CASKIN1: variants seen among roughly 807,000 people sequenced by gnomAD.
The protein encoded by CASKIN1 is CASK interacting protein 1.
In CASKIN1, 42 loss-of-function variants were observed where a neutral mutation model predicts 117.5. The observed-to-expected ratio is 0.36, with a 90% CI of 0.28 to 0.46. The LOEUF is 0.46. Ranked by LOEUF, CASKIN1 falls within the 20% of genes least tolerant of loss-of-function variation. The pLI is 1.00. For missense variants in CASKIN1, 2,083 were observed against 2,077.3 expected (o/e 1.00, Z -0.05); for synonymous variants, 1,148 against 961.7 (o/e 1.19, Z -3.59).
Position 2,180,549 on chromosome 16 carries a change from G to A in CASKIN1, c.2819C>T (p.Pro940Leu). The change falls in exon 18 of 20, where the codon CCC (proline) becomes CTC (leucine). Residue 940 changes from proline to leucine, a missense_variant. Transcript: ENST00000343516. ...VNRSQSFAVR[P>L]RKKGPPPPPP... is the part of the protein sequence containing the mutation. ...GGGCGGCGGGGGCCCCTTCTTTCGG[G>A]GCCGCACGGCAAAGGACTGGCTGCG... 1 of 1,547,376 alleles carries A rather than the reference G, an allele frequency of 6.5e-7. No homozygotes were observed. Among genetic ancestry groups the A allele is most frequent in the Non-Finnish European group, 8.7e-7 (1 of 1,152,988 alleles).
Position 2,182,058 on chromosome 16 carries a change from C to T in CASKIN1, c.1630-129G>A. ...ACAGACAGGAGGACAAACGGATAGG[C>T]CGAGGTATTGGCACCAGAAATGTAG... On this transcript the variant is annotated intron_variant, in intron 16 of 19. Coordinates refer to ENST00000343516, the MANE Select transcript of CASKIN1 (RefSeq NM_020764.4). This position sits in a 1 kb window ranked among gnomAD's most constrained non-coding sequence, Gnocchi z 4.1. 7.6e-7 allele frequency: 1 copy of T among 1,316,374 alleles called. No individual in the cohort carries two copies. Among genetic ancestry groups the T allele is most frequent in the Non-Finnish European group, 1.1e-6 (1 of 950,440 alleles). The allele number at this position is 1,316,374 out of a possible 1,614,324, so 81.5% of individuals were successfully genotyped here.
chr16:2,196,182 G>A lies in CASKIN1; in HGVS notation c.94+157C>T, dbSNP rs1448048370. ...CCCATCTCCAGTGCTGGGGGCAGCG[G>A]GTGGAGGGCACGGACCAAGGGTCTG... On this transcript the variant is annotated intron_variant, in intron 1 of 19. Transcript: ENST00000343516. This position sits in a 1 kb window ranked among gnomAD's most constrained non-coding sequence, Gnocchi z 5.7. Among the ~76,000 whole-genome samples the A allele has an allele frequency of 6.6e-6, 1 of 151,842 alleles. No homozygotes were observed. Among genetic ancestry groups the A allele is most frequent in the Non-Finnish European group, 1.5e-5 (1 of 67,906 alleles).
Position 2,196,404 on chromosome 16 carries a change from G to T in CASKIN1, c.29C>A (p.Ala10Glu). The T allele has an allele frequency of 7.3e-7, 1 of 1,363,770 alleles. No individual in the cohort carries two copies. The highest frequency in any genetic ancestry group is 3.8e-5 in the East Asian group (1 of 26,210). The allele number at this position is 1,363,770 out of a possible 1,614,324, so 84.5% of individuals were successfully genotyped here. A position where few individuals can be genotyped will look rare whatever the true frequency, so the allele number is the denominator to read the frequency against. Reference protein sequence around the residue: MGKEQELVQAVKAEDVGTAQ... With the variant: MGKEQELVQEVKAEDVGTAQ... ...GGTCCCTACGTCCTCCGCCTTCACC[G>T]CCTGCACCAGCTCCTGCTCCTTCCC... The change falls in exon 1 of 20, where the codon GCG (alanine) becomes GAG (glutamate). Residue 10 changes from alanine to glutamate, a missense_variant. Physicochemically the swap from Ala to Glu is moderately radical, Grantham distance 107. Coordinates refer to ENST00000343516, the MANE Select transcript of CASKIN1 (RefSeq NM_020764.4). This position sits in a 1 kb window ranked among gnomAD's most constrained non-coding sequence, Gnocchi z 5.7.
intron 6 of CASKIN1, 100 bp downstream of exon 6, chr16:2,188,927 C>T: frequency 6.7e-7 from 1 of 1,501,246 alleles, no homozygotes; most frequent in Admixed American, 2.1e-5. Flanking sequence ...CCTGCCTGCT[C>T]CCGCCCTATC....
chr16:2,193,155 T>G (rs891865896), intron 1 of CASKIN1, among the ~76,000 whole-genome samples: 5 of 152,138 alleles, frequency 3.3e-5, no homozygotes, highest in African/African-American at 1.2e-4. Flanking sequence ...GTAGCTGGGA[T>G]TACAGGCACG....
Position 2,180,061 on chromosome 16 carries a change from G to A in CASKIN1, c.3307C>T (p.Pro1103Ser). 1.3e-6 allele frequency: 2 copies of A among 1,584,180 alleles called. No homozygotes were observed. Among genetic ancestry groups the A allele is most frequent in the Non-Finnish European group, 1.7e-6 (2 of 1,165,906 alleles). Reference protein sequence around the residue: ...DGTGRQRPRGPSKGEAGVEGP... With the variant: ...DGTGRQRPRGSSKGEAGVEGP... ...TCGACACCCGCCTCGCCCTTGGAGG[G>A]ACCCCGAGGCCGCTGCCGGCCAGTG... Residue 1103 changes from proline (P) to serine (S), a missense_variant, in exon 18 of 20, where the codon CCC (proline) becomes TCC (serine). Pro to Ser is a moderately conservative substitution (Grantham distance 74, BLOSUM62 -1). Around this residue, in one of 3 missense-constraint regions of CASKIN1, gnomAD observed 1,818 missense variants for 1,688.9 expected, o/e 1.08. Coordinates refer to ENST00000343516, the MANE Select transcript of CASKIN1 (RefSeq NM_020764.4).
rs2093164337 is a variant in CASKIN1, at chr16:2,180,634, G to A, written c.2734C>T (p.Arg912Trp). Residue 912 changes from arginine (R) to tryptophan (W), a missense_variant, in exon 18 of 20, where the codon CGG (arginine) becomes TGG (tryptophan). Transcript: ENST00000343516. ...AAAGPYATVQ[R>W]RVGRSHSVRA... is the part of the protein sequence containing the mutation. The stretch of plus-strand genomic sequence containing the variant: ...ACTGAGTGGCTGCGGCCCACGCGCC[G>A]CTGGACCGTGGCATAGGGGCCGGCA... The A allele has an allele frequency of 5.2e-6, 8 of 1,548,826 alleles. No individual in the cohort carries two copies. Among genetic ancestry groups the A allele is most frequent in the Non-Finnish European group, 6.9e-6 (8 of 1,154,580 alleles).
Position 2,186,713 on chromosome 16 carries a change from G to A in CASKIN1, c.1042C>T (p.Arg348Ter). 3 of 1,612,512 alleles carry A rather than the reference G, an allele frequency of 1.9e-6. No homozygotes were observed. The highest frequency in any genetic ancestry group is 2.5e-6 in the Non-Finnish European group (3 of 1,179,664). The change falls in exon 10 of 20, where the codon CGA becomes TGA. Residue 348 changes from arginine (R) to a stop codon, truncating the protein, a stop_gained. Coordinates refer to ENST00000343516, the MANE Select transcript of CASKIN1 (RefSeq NM_020764.4). LOFTEE classifies it high-confidence loss of function. ...AGGGTGGGGTGGAACTTGCCTGCTC[G>A]CTTGACAATGGCCTCGCCCAGGGAG... ...PSSLGEAIVK[R>*]AGSRAGTEPS...
Position 2,180,506 on chromosome 16 carries a change from G to C in CASKIN1, c.2862C>G (p.Ser954Arg). Reference sequence around the variant, plus strand: ...CCAGGTTGGCACTAGCCAGGGCCGAGCTGGAGCGCTTGGGTGGGGGCGGCG... The same window carrying C: ...CCAGGTTGGCACTAGCCAGGGCCGACCTGGAGCGCTTGGGTGGGGGCGGCG... ...GPPPPPPKRS[S>R]SALASANLAD... Residue 954 changes from serine (S) to arginine (R), a missense_variant, in exon 18 of 20, where the codon AGC (serine) becomes AGG (arginine). Coordinates refer to ENST00000343516, the MANE Select transcript of CASKIN1 (RefSeq NM_020764.4). 1 of 1,550,658 alleles carries C rather than the reference G, an allele frequency of 6.4e-7. No homozygotes were observed. The highest frequency in any genetic ancestry group is 8.7e-7 in the Non-Finnish European group (1 of 1,154,238).
intron 1 of CASKIN1, among the ~76,000 whole-genome samples, chr16:2,192,218 G>GAGCCC (rs2093203238): frequency 6.6e-6 from 1 of 152,054 alleles, no homozygotes; most frequent in Non-Finnish European, 1.5e-5. Flanking sequence ...AGGATCGCTT[G>GAGCCC]AGCCCAGGAG....
Position 2,187,392 on chromosome 16 carries a change from C to G in CASKIN1, c.687G>C (p.Ala229=). The change falls in exon 7 of 20, where the codon GCG becomes GCC. Residue 229 remains alanine (A), a synonymous_variant. Coordinates refer to ENST00000343516, the MANE Select transcript of CASKIN1 (RefSeq NM_020764.4). ...TKSGTALHEA[A]LCGKTEVVRL... ...GCACCACCTCTGTCTTTCCGCAGAG[C>G]GCAGCCTCGTGCAGGGCCGTGCCGG... 1 of 1,612,162 alleles carries G rather than the reference C, an allele frequency of 6.2e-7. No homozygotes were observed. The highest frequency in any genetic ancestry group is 8.5e-7 in the Non-Finnish European group (1 of 1,179,854).
At chr16:2,193,002 C>T (rs979658072) in intron 1 of CASKIN1, among the ~76,000 whole-genome samples, 11 of 152,172 alleles carry the variant, frequency 7.2e-5, no homozygotes, top group Admixed American at 2.0e-4. Flanking sequence ...TCTCCTGTCG[C>T]CATCTCGAAA....
chr16:2,191,730 C>T (rs2093202194), intron 1 of CASKIN1, among the ~76,000 whole-genome samples: 1 of 152,254 alleles, frequency 6.6e-6, no homozygotes, highest in Admixed American at 6.5e-5. Context: ...CAATGCCATC[C>T]TTCCTGACCA....
chr16:2,181,444 C>T lies in CASKIN1; in HGVS notation c.1924G>A (p.Ala642Thr), dbSNP rs2093167611. The T allele has an allele frequency of 6.2e-7, 1 of 1,612,056 alleles. No homozygotes were observed. The highest frequency in any genetic ancestry group is 8.5e-7 in the Non-Finnish European group (1 of 1,179,844). The part of the protein sequence containing the change: ...ESPPPPEPTP[A>T]DCQSPKMTTF... ...GTCATTTTAGGGGACTGGCAGTCGG[C>T]CGGTGTGGGCTCAGGCGGGGGCGGC... Residue 642 changes from alanine (A) to threonine (T), a missense_variant, in exon 18 of 20, where the codon GCC (alanine) becomes ACC (threonine). Around this residue, in one of 3 missense-constraint regions of CASKIN1, gnomAD observed 1,818 missense variants for 1,688.9 expected, o/e 1.08. Transcript: ENST00000343516.
chr16:2,182,050 C>T lies in CASKIN1; in HGVS notation c.1630-121G>A, dbSNP rs530570705. The T allele has an allele frequency of 2.5e-4, 350 of 1,394,714 alleles. 1 individual carries two copies. Among genetic ancestry groups the T allele is most frequent in the Admixed American group, 3.8e-4 (20 of 53,016 alleles). 86.4% of individuals were successfully genotyped at this position (1,394,714 alleles called of 1,614,324 possible). A position where few individuals can be genotyped will look rare whatever the true frequency, so the allele number is the denominator to read the frequency against. On this transcript the variant is annotated intron_variant, in intron 16 of 19. Transcript: ENST00000343516. The surrounding 1 kb of genome is among the most constrained non-coding windows in gnomAD (Gnocchi z 4.1). ...GGGCACAGACAGACAGGAGGACAAA[C>T]GGATAGGCCGAGGTATTGGCACCAG...
intron 5 of CASKIN1, 40 bp downstream of exon 5, chr16:2,189,198 C>A: frequency 1.2e-6 from 2 of 1,612,572 alleles, no homozygotes; most frequent in South Asian, 1.1e-5. Flanking sequence ...TGATGTGGGG[C>A]TCCCCAGCCC....
In CASKIN1 at chr16:2,189,387, C is replaced by T. The variant is rs747958051; in HGVS notation, c.390+32G>A. On this transcript the variant is annotated intron_variant, in intron 4 of 19. Transcript: ENST00000343516. ...CACATCCTCAGGCCGCGCTGCCCCGCCCCCGCTGCCCCGCCCCCGCTCGGG... is the reference window on the plus strand; with the variant it reads ...CACATCCTCAGGCCGCGCTGCCCCGTCCCCGCTGCCCCGCCCCCGCTCGGG... 8 of 1,609,562 alleles carry T rather than the reference C, an allele frequency of 5.0e-6. No individual in the cohort carries two copies. In the East Asian group the frequency reaches 8.9e-5, roughly 18 times the overall value.
Position 2,189,476 on chromosome 16 carries a change from C to T in CASKIN1, c.333G>A (p.Pro111=), listed in dbSNP as rs200765849. 8.1e-5 allele frequency: 131 copies of T among 1,612,108 alleles called. No homozygotes were observed. Among genetic ancestry groups the T allele is most frequent in the Non-Finnish European group, 9.9e-5 (117 of 1,179,804 alleles). The change falls in exon 4 of 20, where the codon CCG becomes CCA. Residue 111 remains proline (P), a synonymous_variant. Coordinates refer to ENST00000343516, the MANE Select transcript of CASKIN1 (RefSeq NM_020764.4). ...VLKAGSAVNI[P]SDEGHIPLHL... is the part of the protein sequence containing the mutation. ...GCAGGGGGATGTGGCCCTCATCAGACGGGATGTTCACGGCCGAGCCCGCCT... is the reference window on the plus strand; with the variant it reads ...GCAGGGGGATGTGGCCCTCATCAGATGGGATGTTCACGGCCGAGCCCGCCT...
At position 2,180,193 on chromosome 16, in the gene CASKIN1, C is replaced by A. The variant is rs900932823; in HGVS notation, c.3175G>T (p.Val1059Leu). Residue 1059 changes from valine (V) to leucine (L), a missense_variant, in exon 18 of 20, where the codon GTG becomes TTG. Coordinates refer to ENST00000343516, the MANE Select transcript of CASKIN1 (RefSeq NM_020764.4). ...CTGAGCGTGCGGCGCCGGTTCACCA[C>A]CTCCCCGCCAGGCCCGATGGCCTCT... ...HKEAIGPGGE[V>L]VNRRRTLSGP... 6.5e-7 allele frequency: 1 copy of A among 1,549,878 alleles called. No homozygotes were observed. The highest frequency in any genetic ancestry group is 1.2e-5 in the South Asian group (1 of 84,324).
Sources: gnomAD v4.1 joint callset for allele counts (sites outside exome capture counted in the v4.1 genomes callset) on GRCh38, gnomAD v4.1.1 for gene constraint, gnomAD v4.1.1 regional missense constraint, Gnocchi (gnomAD v3.1) non-coding constraint, MANE v1.5 for transcripts, NCBI Gene and HGNC (gene_info 2026-07-23, HGNC 2026-07-21) for gene names.